Variants in NRAP observed in about 807,000 individuals in gnomAD.
The protein encoded by NRAP is nebulin related anchoring protein.
In NRAP, 189 loss-of-function variants were observed where a neutral mutation model predicts 225.9. That is an observed-to-expected ratio of 0.84 (90% CI 0.74 to 0.94). NRAP has a LOEUF of 0.94. Ranked by LOEUF, NRAP falls within the 40% of genes least tolerant of loss-of-function variation. NRAP has a pLI of 0.00. For missense variants in NRAP, 2,176 were observed against 2,168.7 expected (o/e 1.00, Z -0.07); for synonymous variants, 769 against 790.7 (o/e 0.97, Z 0.46).
At chr10:113,649,926 G>C (rs1849836599) in intron 9 of NRAP, 111 bp downstream of exon 9, 1 of 670,080 alleles carries the variant, frequency 1.5e-6, no homozygotes, top group African/African-American at 1.8e-5. Context: ...TCATAAAAAA[G>C]GTAAAGATAA....
chr10:113,622,324 G>T, intron 23 of NRAP, 144 bp from the exon 24 acceptor site: 1 of 606,092 alleles, frequency 1.6e-6, no homozygotes, highest in Non-Finnish European at 2.9e-6. Flanking sequence ...GCCTTTTTGA[G>T]CATCCGATAC....
chr10:113,635,617 A>G (rs1848826047), intron 14 of NRAP, among the ~76,000 whole-genome samples: 1 of 152,100 alleles, frequency 6.6e-6, no homozygotes, highest in African/African-American at 2.4e-5. Flanking sequence ...TAGTAGAGAC[A>G]GGGTTTCCCC....
At chr10:113,654,170 T>C in intron 4 of NRAP, 45 bp from the exon 5 acceptor site, 1 of 1,074,826 alleles carries the variant, frequency 9.3e-7, no homozygotes, top group Non-Finnish European at 1.4e-6. Flanking sequence ...TGCCCCAGAC[T>C]CCCAGCAACA....
intron 33 of NRAP, 48 bp from the exon 34 acceptor site, chr10:113,605,917 A>G: frequency 7.2e-7 from 1 of 1,387,302 alleles, no homozygotes; most frequent in Non-Finnish European, 1.0e-6. Flanking sequence ...TACATGAATC[A>G]ACGAGCAAAG....
At chr10:113,634,062 G>T in intron 15 of NRAP, 50 bp downstream of exon 15, 1 of 1,243,402 alleles carries the variant, frequency 8.0e-7, no homozygotes, top group Non-Finnish European at 1.2e-6. Flanking sequence ...AGGCCTCAAA[G>T]CAGCAATTTC....
At chr10:113,607,399 C>CAAAAAAAAAAAAAAAAAAAAAAAAAAAAA (rs543627940) in intron 32 of NRAP, among the ~76,000 whole-genome samples, 17 of 68,602 alleles carry the variant, frequency 2.5e-4, no homozygotes, top group Admixed American at 4.0e-4. Context: ...GAAACTCCGT[C>CAAAAAAAAAAAAAAAAAAAAAAAAAAAAA]AAAAAAAAAA....
intron 26 of NRAP, among the ~76,000 whole-genome samples, chr10:113,616,488 C>A (rs1482420072): frequency 6.6e-6 from 1 of 152,170 alleles, no homozygotes; most frequent in African/African-American, 2.4e-5. Flanking sequence ...TATTGTTTTT[C>A]TTCATACAAA....
intron 10 of NRAP, among the ~76,000 whole-genome samples, chr10:113,646,531 G>A (rs887973802): frequency 2.0e-5 from 3 of 152,178 alleles, no homozygotes; most frequent in Non-Finnish European, 2.9e-5. Flanking sequence ...CTGCCAGCAG[G>A]CTAACATTCT....
intron 6 of NRAP, 26 bp from the exon 7 acceptor site, chr10:113,651,933 G>T: frequency 6.8e-7 from 1 of 1,473,612 alleles, no homozygotes; most frequent in South Asian, 1.1e-5. Context: ...TAGAGTCAAG[G>T]GTGCACCCAC....
At chr10:113,598,291 A>G (rs1846403550) in intron 35 of NRAP, among the ~76,000 whole-genome samples, 1 of 148,316 alleles carries the variant, frequency 6.7e-6, no homozygotes, top group African/African-American at 2.5e-5. Flanking sequence ...GAGATACAAG[A>G]AGGTCCCACC....
At chr10:113,606,053 G>A (rs1846942812) in intron 33 of NRAP, 125 bp downstream of exon 33, 3 of 810,906 alleles carry the variant, frequency 3.7e-6, no homozygotes, top group Admixed American at 3.9e-5. Context: ...TTTAACATGA[G>A]CATCTAAGCT....
chr10:113,640,287 G>A lies in NRAP; in HGVS notation c.1368C>T (p.Asn456=). 6.2e-7 allele frequency: 1 copy of A among 1,603,526 alleles called. No homozygotes were observed. The highest frequency in any genetic ancestry group is 1.4e-5 in the African/African-American group (1 of 73,954). The change falls in exon 14 of 42, where the codon AAC becomes AAT. Residue 456 remains asparagine, a synonymous_variant. Coordinates refer to ENST00000359988, the MANE Select transcript of NRAP (RefSeq NM_198060.4). ...AGGAAGGCGTGAGAGTGGCTGGGTAGTTGTAGTCGACAATATCATGTTTAT... is the reference window on the plus strand; with the variant it reads ...AGGAAGGCGTGAGAGTGGCTGGGTAATTGTAGTCGACAATATCATGTTTAT... The part of the protein sequence containing the change: ...ADYKHDIVDY[N]YPATLTPSYQ...
In NRAP at chr10:113,634,229, A is replaced by G. The variant is rs772506478; in HGVS notation, c.1429-19T>C. 1 of 1,521,580 alleles carries G rather than the reference A, an allele frequency of 6.6e-7. No individual in the cohort carries two copies. The highest frequency in any genetic ancestry group is 2.3e-5 in the East Asian group (1 of 44,296). 94.3% of individuals were successfully genotyped at this position (1,521,580 alleles called of 1,614,324 possible). On this transcript the variant is annotated intron_variant, in intron 14 of 41. Coordinates refer to ENST00000359988, the MANE Select transcript of NRAP (RefSeq NM_198060.4). ...AATTGGCCTAGGTAAAAACAGGCAC[A>G]AAAAGATGTCATTTGCTCTTTTCTC... is the stretch of plus-strand genomic sequence containing the variant.
intron 26 of NRAP, among the ~76,000 whole-genome samples, chr10:113,616,851 GT>G (rs200419128): frequency 2.0e-5 from 3 of 151,846 alleles, no homozygotes; most frequent in Non-Finnish European, 2.9e-5. Context: ...ATCACAAAGT[GT>G]TTTTTTTCAG....
intron 3 of NRAP, among the ~76,000 whole-genome samples, chr10:113,659,333 C>A (rs1850516908): frequency 6.6e-6 from 1 of 152,204 alleles, no homozygotes; most frequent in Non-Finnish European, 1.5e-5. Context: ...CCATCAACAC[C>A]AGTCACGACA....
chr10:113,596,662 T>C (rs1380669807), intron 37 of NRAP, among the ~76,000 whole-genome samples: 1 of 152,250 alleles, frequency 6.6e-6, no homozygotes, highest in Non-Finnish European at 1.5e-5. Context: ...AACATGTATC[T>C]GACCTAGCCT....
chr10:113,660,100 TATAC>T (rs57098997), intron 3 of NRAP, among the ~76,000 whole-genome samples: 40,036 of 149,958 alleles, frequency 0.27, 6,008 homozygotes, highest in East Asian at 0.41. Context: ...TATACACATA[TATAC>T]ATACATACAT....
chr10:113,646,977 A>G lies in NRAP; in HGVS notation c.939T>C (p.Ala313=). 6.2e-7 allele frequency: 1 copy of G among 1,614,130 alleles called. No homozygotes were observed. The highest frequency in any genetic ancestry group is 8.5e-7 in the Non-Finnish European group (1 of 1,179,986). ...EEHRGKGSFP[A]MITPAYQNAK... is the part of the protein sequence containing the mutation. ...CGTTCTGATATGCTGGAGTGATCAT[A>G]GCTGGGAAGCTGCCCTTTCCCCTGT... The change falls in exon 10 of 42, where the codon GCT becomes GCC. Residue 313 remains alanine (A), a synonymous_variant. Coordinates refer to ENST00000359988, the MANE Select transcript of NRAP (RefSeq NM_198060.4).
At chr10:113,601,073 C>G (rs992054006) in intron 35 of NRAP, among the ~76,000 whole-genome samples, 1 of 152,202 alleles carries the variant, frequency 6.6e-6, no homozygotes, top group Non-Finnish European at 1.5e-5. Context: ...GAGCAGGCAA[C>G]AGCCGACTTG....
Sources: gnomAD v4.1 joint callset for allele counts (sites outside exome capture counted in the v4.1 genomes callset) on GRCh38, gnomAD v4.1.1 for gene constraint, MANE v1.5 for transcripts, NCBI Gene and HGNC (gene_info 2026-07-23, HGNC 2026-07-21) for gene names.